The following ILRUN variants were observed in gnomAD, a reference collection of about 807,000 sequenced individuals.
ILRUN encodes the protein protein ILRUN.
Under a neutral mutation model 33.8 loss-of-function variants are expected in ILRUN, and 3 were observed. The observed-to-expected ratio is 0.09, with a 90% confidence interval of 0.04 to 0.23. The LOEUF (loss-of-function observed/expected upper bound fraction) is 0.23, where lower values mean the gene tolerates loss of function less well. Ranked by LOEUF, ILRUN falls within the 10% of genes least tolerant of loss-of-function variation. The pLI, the probability that ILRUN is intolerant of heterozygous loss-of-function variation, is 1.00. For missense variants in ILRUN, 210 were observed against 375.1 expected (o/e 0.56, Z 3.64); for synonymous variants, 124 against 138.9 (o/e 0.89, Z 0.75).
chr6:34,620,277 G>A (rs1245921898), intron 3 of ILRUN, among the ~76,000 whole-genome samples: 1 of 152,120 alleles, frequency 6.6e-6, no homozygotes, highest in African/African-American at 2.4e-5. Flanking sequence ...TAAAAATGGA[G>A]ATAAGGAAAT....
At chr6:34,684,543 G>A (rs1451327243) in intron 1 of ILRUN, among the ~76,000 whole-genome samples, 6 of 152,144 alleles carry the variant, frequency 3.9e-5, no homozygotes, top group Admixed American at 6.6e-5. Context: ...AAAGTAGTGC[G>A]TAAGAGGCTT....
intron 3 of ILRUN, among the ~76,000 whole-genome samples, chr6:34,629,448 G>A (rs1031733711): frequency 3.3e-5 from 5 of 152,152 alleles, no homozygotes; most frequent in African/African-American, 1.2e-4. Flanking sequence ...GATTATAGGT[G>A]TGAACCACTG....
intron 3 of ILRUN, among the ~76,000 whole-genome samples, chr6:34,620,945 C>T (rs536000152): frequency 6.6e-6 from 1 of 152,320 alleles, no homozygotes; most frequent in African/African-American, 2.4e-5. Context: ...ACATACACAA[C>T]AAAACAGTAA....
chr6:34,596,423 T>A (rs1761401555), intron 4 of ILRUN, among the ~76,000 whole-genome samples: 1 of 152,048 alleles, frequency 6.6e-6, no homozygotes, highest in Non-Finnish European at 1.5e-5. Context: ...TTCAAGCAAT[T>A]CTCCTGCCTC....
intron 1 of ILRUN, among the ~76,000 whole-genome samples, chr6:34,663,380 A>G (rs1048011282): frequency 5.9e-5 from 9 of 152,190 alleles, no homozygotes; most frequent in African/African-American, 2.2e-4. Flanking sequence ...CTATTATCAT[A>G]CCACTGTACC....
intron 1 of ILRUN, among the ~76,000 whole-genome samples, chr6:34,670,759 G>A (rs1254626741): frequency 1.3e-5 from 2 of 150,142 alleles, no homozygotes; most frequent in African/African-American, 4.9e-5. Flanking sequence ...AGGAGGCTGA[G>A]GTGGTAGAAT....
intron 2 of ILRUN, among the ~76,000 whole-genome samples, chr6:34,651,873 A>G (rs1762679321): frequency 6.7e-6 from 1 of 149,004 alleles, no homozygotes; most frequent in Non-Finnish European, 1.5e-5. Flanking sequence ...GCTCACTACA[A>G]CCTCTGCCTC....
At chr6:34,689,654 G>A (rs940004013) in intron 1 of ILRUN, among the ~76,000 whole-genome samples, 1 of 151,888 alleles carries the variant, frequency 6.6e-6, no homozygotes, top group Non-Finnish European at 1.5e-5. Context: ...TTTAGCACGG[G>A]TGACTGAGAA....
chr6:34,694,750 T>C lies in ILRUN; in HGVS notation c.158+1696A>G, dbSNP rs551201630. ...AAATAGTAGGACCCATCAAAGATGA[T>C]GCACAGAAAAAAAAAATGGCGGGGC... On this transcript the variant is annotated intron_variant, in intron 1 of 4. Coordinates refer to ENST00000374023, the MANE Select transcript of ILRUN (RefSeq NM_024294.4). 3.3e-5 allele frequency among the ~76,000 whole-genome samples: 5 copies of C among 151,818 alleles called. No individual in the cohort carries two copies. The East Asian group carries it at 5.8e-4, about 18-fold the overall frequency.
rs564121064 is a variant in ILRUN, at chr6:34,687,192, G to C, written c.158+9254C>G. 3 of 152,268 alleles carry C rather than the reference G, an allele frequency of 2.0e-5. No homozygotes were observed. In the South Asian group the frequency reaches 6.2e-4, roughly 32 times the overall value. The allele number at this position is 152,268 out of a possible 1,614,324, so 9.4% of individuals were successfully genotyped here. A position where few individuals can be genotyped will look rare whatever the true frequency, so the allele number is the denominator to read the frequency against. ...TCTGGTTGCTCTTGGTCTTTTGGGAGGGAATAAACTAGAGCCATCAACAAA... is the reference window on the plus strand; with the variant it reads ...TCTGGTTGCTCTTGGTCTTTTGGGACGGAATAAACTAGAGCCATCAACAAA... On this transcript the variant is annotated intron_variant, in intron 1 of 4. Transcript: ENST00000374023.
intron 1 of ILRUN, among the ~76,000 whole-genome samples, chr6:34,687,647 G>T (rs1416449833): frequency 6.8e-6 from 1 of 147,414 alleles, no homozygotes; most frequent in Non-Finnish European, 1.5e-5. Context: ...GCAGTGAGCC[G>T]AGATTGCACC....
At chr6:34,610,833 T>C (rs1032382390) in intron 3 of ILRUN, among the ~76,000 whole-genome samples, 2 of 152,212 alleles carry the variant, frequency 1.3e-5, no homozygotes, top group Non-Finnish European at 2.9e-5. Context: ...GGAAACTAAA[T>C]GCTTATGAGA....
chr6:34,640,103 C>G (rs1035883774), intron 3 of ILRUN, among the ~76,000 whole-genome samples: 2 of 152,014 alleles, frequency 1.3e-5, no homozygotes, highest in African/African-American at 2.4e-5. Context: ...TGTCAAAAAT[C>G]AGATACTTAT....
chr6:34,696,643 C>A lies in ILRUN; in HGVS notation c.-40G>T. 1 of 1,575,550 alleles carries A rather than the reference C, an allele frequency of 6.3e-7. No individual in the cohort carries two copies. The highest frequency in any genetic ancestry group is 8.6e-7 in the Non-Finnish European group (1 of 1,164,788). ...ACCCGCTTCCCCGCCTCTTCACAAC[C>A]AAGCCGCCGCCGCGCCGCCGGGCCC... is the stretch of plus-strand genomic sequence containing the variant. On this transcript the variant is annotated 5_prime_UTR_variant, in exon 1 of 5. Coordinates refer to ENST00000374023, the MANE Select transcript of ILRUN (RefSeq NM_024294.4).
At chr6:34,658,481 TTTC>T (rs1173899437) in intron 1 of ILRUN, among the ~76,000 whole-genome samples, 3 of 144,716 alleles carry the variant, frequency 2.1e-5, no homozygotes, top group Non-Finnish European at 4.5e-5. Flanking sequence ...TGAAATAATT[TTTC>T]TTTTTCTTTT....
At chr6:34,681,716 C>T in intron 1 of ILRUN, among the ~76,000 whole-genome samples, 1 of 152,098 alleles carries the variant, frequency 6.6e-6, no homozygotes, top group East Asian at 1.9e-4. Context: ...GAGCTTACTA[C>T]TAGATAGTTT....
At chr6:34,624,934 C>T (rs994477023) in intron 3 of ILRUN, among the ~76,000 whole-genome samples, 6 of 152,194 alleles carry the variant, frequency 3.9e-5, no homozygotes, top group Non-Finnish European at 8.8e-5. Flanking sequence ...TCTCTTCCCT[C>T]TCCTCCTGAA....
At chr6:34,621,587 G>T (rs370909522) in intron 3 of ILRUN, among the ~76,000 whole-genome samples, 13 of 152,244 alleles carry the variant, frequency 8.5e-5, no homozygotes, top group South Asian at 4.1e-4. Context: ...GGCCCGGCAT[G>T]GTGGCTCATG....
chr6:34,642,380 T>C (rs1027850775), intron 3 of ILRUN, among the ~76,000 whole-genome samples: 10 of 152,124 alleles, frequency 6.6e-5, no homozygotes, highest in Non-Finnish European at 1.2e-4. Context: ...TTGAGCAAAC[T>C]TTCCAATCAA....
Sources: gnomAD v4.1 joint callset for allele counts (sites outside exome capture counted in the v4.1 genomes callset) on GRCh38, gnomAD v4.1.1 for gene constraint, MANE v1.5 for transcripts, NCBI Gene and HGNC (gene_info 2026-07-23, HGNC 2026-07-21) for gene names.